Variants in NT5C2 observed in about 807,000 individuals in gnomAD.
The protein encoded by NT5C2 is cytosolic purine 5'-nucleotidase.
In NT5C2, 58 loss-of-function variants were observed where a neutral mutation model predicts 76.1. The observed-to-expected ratio is 0.76, with a 90% CI of 0.62 to 0.95. The LOEUF (loss-of-function observed/expected upper bound fraction) is 0.95, where lower values mean the gene tolerates loss of function less well. Among genes scored for constraint, NT5C2 ranks in the 40% least tolerant of loss-of-function variants. The pLI is 0.00. For synonymous variants in NT5C2, 229 were observed against 237.4 expected (o/e 0.96, Z 0.32); for missense variants, 478 against 690.3 (o/e 0.69, Z 3.45).
intron 4 of NT5C2, among the ~76,000 whole-genome samples, chr10:103,109,967 G>A (rs971740471): frequency 3.9e-5 from 6 of 152,116 alleles, no homozygotes; most frequent in Middle Eastern, 3.2e-3. Flanking sequence ...GTGTTCAACC[G>A]AAGTGACTTT....
chr10:103,179,304 C>A (rs1308045975), intron 2 of NT5C2, among the ~76,000 whole-genome samples: 1 of 152,086 alleles, frequency 6.6e-6, no homozygotes, highest in African/African-American at 2.4e-5. Context: ...GCCCTAAATT[C>A]TTTATTACAT....
intron 4 of NT5C2, among the ~76,000 whole-genome samples, chr10:103,135,201 G>C (rs1014164507): frequency 1.3e-5 from 2 of 152,174 alleles, no homozygotes; most frequent in Non-Finnish European, 2.9e-5. Context: ...GAAGGGCCAG[G>C]GGCAGAATGA....
chr10:103,136,498 G>A (rs1046897960), intron 4 of NT5C2, among the ~76,000 whole-genome samples: 2 of 152,124 alleles, frequency 1.3e-5, no homozygotes, highest in African/African-American at 4.8e-5. Flanking sequence ...ACCACTTACT[G>A]TTAAATATAC....
chr10:103,145,876 A>G (rs955720068), intron 3 of NT5C2, among the ~76,000 whole-genome samples: 17 of 152,202 alleles, frequency 1.1e-4, no homozygotes, highest in African/African-American at 4.1e-4. Flanking sequence ...GTAAATATAA[A>G]TATTAACCAT....
At position 103,101,284 on chromosome 10, in the gene NT5C2, T is replaced by C; in HGVS notation, c.432A>G (p.Arg144=). 1 of 1,609,738 alleles carries C rather than the reference T, an allele frequency of 6.2e-7. No individual in the cohort carries two copies. ...GAATGTAAAATCTTTCAGTATCATC[T>C]CGCTGGATAAATTTATTTGGATACT... ...REQYPNKFIQ[R]DDTERFYILN... is the part of the protein sequence containing the mutation. Residue 144 remains arginine (R), a synonymous_variant, in exon 7 of 19, where the codon CGA becomes CGG. Coordinates refer to ENST00000404739, the MANE Select transcript of NT5C2 (RefSeq NM_001351169.2).
chr10:103,117,574 T>C (rs190979400), intron 4 of NT5C2, among the ~76,000 whole-genome samples: 6 of 152,312 alleles, frequency 3.9e-5, no homozygotes, highest in Admixed American at 3.9e-4. Flanking sequence ...TTGAGCCCAG[T>C]AGTTCAAGGT....
At position 103,092,272 on chromosome 10, in the gene NT5C2, T is replaced by C. The variant is rs548947686; in HGVS notation, c.1160-657A>G. On this transcript the variant is annotated intron_variant, in intron 15 of 18. Transcript: ENST00000404739. ...GAGAAAAGTGTTACTCAAATAATTT[T>C]CTGTATTCAGCTCCATTGGAAAGGT... 2.6e-5 allele frequency among the ~76,000 whole-genome samples: 4 copies of C among 152,362 alleles called. No homozygotes were observed. The South Asian group carries it at 8.3e-4, about 32-fold the overall frequency.
At chr10:103,142,583 T>C (rs2080667281) in intron 3 of NT5C2, among the ~76,000 whole-genome samples, 1 of 151,898 alleles carries the variant, frequency 6.6e-6, no homozygotes, top group Non-Finnish European at 1.5e-5. Context: ...AAGTGGGATC[T>C]CCTGAGCCTG....
At chr10:103,095,864 C>A in intron 12 of NT5C2, 75 bp downstream of exon 12, 1 of 1,354,486 alleles carries the variant, frequency 7.4e-7, no homozygotes, top group Non-Finnish European at 1.1e-6. Context: ...CCAATTCTTT[C>A]CCCCTTAATA....
In NT5C2 at chr10:103,108,907, G is replaced by C. The variant is rs564172125; in HGVS notation, c.176-2201C>G. ...GAGTCTCGCTCCATTGCCCAGGCTG[G>C]AGTGCAGTGGCCGTGATCTTGACTC... is the stretch of plus-strand genomic sequence containing the variant. On this transcript the variant is annotated intron_variant, in intron 4 of 18. Coordinates refer to ENST00000404739, the MANE Select transcript of NT5C2 (RefSeq NM_001351169.2). Among the ~76,000 whole-genome samples the C allele has an allele frequency of 3.6e-3, 539 of 151,584 alleles. 2 individuals are homozygous for C. Among genetic ancestry groups the C allele is most frequent in the Non-Finnish European group, 6.8e-3 (459 of 67,922 alleles).
intron 3 of NT5C2, among the ~76,000 whole-genome samples, chr10:103,151,922 G>C (rs1325772888): frequency 2.0e-5 from 3 of 151,996 alleles, no homozygotes; most frequent in Non-Finnish European, 4.4e-5. Context: ...GAGGCTCCTA[G>C]AGATAAACCT....
intron 4 of NT5C2, among the ~76,000 whole-genome samples, chr10:103,130,155 C>G (rs966171314): frequency 6.6e-6 from 1 of 151,732 alleles, no homozygotes; most frequent in Non-Finnish European, 1.5e-5. Context: ...GGATGGTTAC[C>G]GTGTCTGTGT....
At chr10:103,090,335 A>C in intron 18 of NT5C2, 2 of 385,980 alleles carry the variant, frequency 5.2e-6, no homozygotes, top group Non-Finnish European at 9.3e-6. Flanking sequence ...CTCCCACCTC[A>C]GCCTCTAAAG....
chr10:103,105,299 T>C, intron 6 of NT5C2: 1 of 408,698 alleles, frequency 2.4e-6, no homozygotes, highest in Non-Finnish European at 3.8e-6. Context: ...ATTAAAAATC[T>C]CTTAATCATT....
At chr10:103,125,483 T>G in intron 4 of NT5C2, 2 of 215,008 alleles carry the variant, frequency 9.3e-6, no homozygotes, top group Non-Finnish European at 1.9e-5. Flanking sequence ...TACTCTCACT[T>G]AACAGCTGCT....
intron 3 of NT5C2, among the ~76,000 whole-genome samples, chr10:103,141,269 T>C (rs1343264514): frequency 6.6e-6 from 1 of 152,042 alleles, no homozygotes; most frequent in East Asian, 1.9e-4. Context: ...CCAGCCTAGG[T>C]TAACATGGTG....
chr10:103,168,661 A>G (rs1029026096), intron 3 of NT5C2, among the ~76,000 whole-genome samples: 2 of 152,190 alleles, frequency 1.3e-5, no homozygotes, highest in African/African-American at 4.8e-5. Flanking sequence ...CTAAACAACC[A>G]TAAGGAAATG....
At chr10:103,157,118 T>C (rs1402350098) in intron 3 of NT5C2, among the ~76,000 whole-genome samples, 1 of 149,542 alleles carries the variant, frequency 6.7e-6, no homozygotes, top group Non-Finnish European at 1.5e-5. Context: ...TGTTGTATTA[T>C]GTTAAATTAT....
chr10:103,091,065 CA>C, intron 16 of NT5C2, 69 bp from the exon 17 acceptor site: 1 of 1,382,054 alleles, frequency 7.2e-7, no homozygotes, highest in Non-Finnish European at 1.0e-6. Context: ...AAGACAGTCT[CA>C]TTCTGTCACT....
Sources: gnomAD v4.1 joint callset for allele counts (sites outside exome capture counted in the v4.1 genomes callset) on GRCh38, gnomAD v4.1.1 for gene constraint, MANE v1.5 for transcripts, NCBI Gene and HGNC (gene_info 2026-07-23, HGNC 2026-07-21) for gene names.